ERCC6L2: variants seen among roughly 807,000 people sequenced by gnomAD.
ERCC6L2 encodes the protein DNA excision repair protein ERCC-6-like 2.
In ERCC6L2, 77 loss-of-function variants were observed where a neutral mutation model predicts 132.0. That is an observed-to-expected ratio of 0.58 (90% CI 0.49 to 0.71). ERCC6L2 has a LOEUF of 0.71. Among genes scored for constraint, ERCC6L2 ranks in the 30% least tolerant of loss-of-function variants. The pLI is 0.00. For synonymous variants in ERCC6L2, 583 were observed against 632.4 expected, an observed-to-expected ratio of 0.92 and a Z score of 1.17; for missense variants, 1,542 against 1,837.6, an observed-to-expected ratio of 0.84 and a Z score of 2.94.
At chr9:95,952,514 T>C (rs1388120064) in intron 12 of ERCC6L2, among the ~76,000 whole-genome samples, 1 of 152,174 alleles carries the variant, frequency 6.6e-6, no homozygotes. Flanking sequence ...ATTTCATTGA[T>C]GCAGAAAAAG....
intron 11 of ERCC6L2, among the ~76,000 whole-genome samples, chr9:95,933,235 TTCG>T (rs1289484726): frequency 6.6e-6 from 1 of 152,208 alleles, no homozygotes; most frequent in Non-Finnish European, 1.5e-5. Context: ...AACCTTTAAC[TTCG>T]TTTCTGCTTT....
intron 11 of ERCC6L2, among the ~76,000 whole-genome samples, chr9:95,931,954 T>G (rs1587929100): frequency 6.6e-6 from 1 of 152,092 alleles, no homozygotes; most frequent in Non-Finnish European, 1.5e-5. Context: ...TCATCAGACT[T>G]TCAAACTTTC....
intron 18 of ERCC6L2, among the ~76,000 whole-genome samples, chr9:96,008,258 A>G (rs1275485415): frequency 6.6e-6 from 1 of 152,014 alleles, no homozygotes; most frequent in Non-Finnish European, 1.5e-5. Context: ...CAACTTTAAT[A>G]TCTTCCCTAG....
At chr9:95,963,783 C>T (rs1832025106) in intron 13 of ERCC6L2, among the ~76,000 whole-genome samples, 1 of 152,078 alleles carries the variant, frequency 6.6e-6, no homozygotes, top group Non-Finnish European at 1.5e-5. Context: ...GGATGTCCTT[C>T]AGTCTAGGTC....
chr9:95,879,053 A>G (rs1177787005), intron 1 of ERCC6L2, among the ~76,000 whole-genome samples: 1 of 151,794 alleles, frequency 6.6e-6, no homozygotes, highest in Non-Finnish European at 1.5e-5. Context: ...TGGTATTTCT[A>G]GTTCTAGATC....
chr9:96,029,106 C>T (rs1182399867), intron 19 of ERCC6L2, among the ~76,000 whole-genome samples: 3 of 151,832 alleles, frequency 2.0e-5, no homozygotes, highest in East Asian at 3.9e-4. Context: ...AGATCGAGAC[C>T]ATCCTGGCTA....
At chr9:95,967,462 G>A (rs1179798683) in intron 14 of ERCC6L2, 1 of 152,082 alleles carries the variant, frequency 6.6e-6, no homozygotes, top group African/African-American at 2.4e-5. Flanking sequence ...TATTCAGTAA[G>A]TACCATAAAG....
intron 17 of ERCC6L2, among the ~76,000 whole-genome samples, chr9:95,979,345 G>A (rs1832799418): frequency 6.6e-6 from 1 of 152,096 alleles, no homozygotes; most frequent in Admixed American, 6.6e-5. Flanking sequence ...CAATGGGGAG[G>A]CACTCCCATA....
chr9:95,903,788 A>G (rs1828895307), intron 3 of ERCC6L2, among the ~76,000 whole-genome samples: 1 of 152,036 alleles, frequency 6.6e-6, no homozygotes, highest in South Asian at 2.1e-4. Context: ...AAAATGAAAA[A>G]TAAATTATAC....
chr9:95,966,864 AAG>A, intron 14 of ERCC6L2, 150 bp downstream of exon 14: 1 of 521,976 alleles, frequency 1.9e-6, no homozygotes, highest in Non-Finnish European at 3.1e-6. Context: ...TTTAGAGAAT[AAG>A]AAATGAATTA....
intron 11 of ERCC6L2, among the ~76,000 whole-genome samples, chr9:95,935,718 T>G (rs748027227): frequency 1.3e-5 from 2 of 152,148 alleles, no homozygotes; most frequent in Non-Finnish European, 2.9e-5. Flanking sequence ...TTATCAAGAA[T>G]GACTGGTGTG....
chr9:95,966,266 C>T (rs1387356498), intron 13 of ERCC6L2, among the ~76,000 whole-genome samples: 1 of 152,050 alleles, frequency 6.6e-6, no homozygotes, highest in Admixed American at 6.6e-5. Flanking sequence ...CAAATGTATG[C>T]TTTTATTATT....
At chr9:95,966,145 TATC>T (rs1832143207) in intron 13 of ERCC6L2, among the ~76,000 whole-genome samples, 1 of 152,170 alleles carries the variant, frequency 6.6e-6, no homozygotes, top group South Asian at 2.1e-4. Context: ...CCAAGGTGGT[TATC>T]ATATCATTAC....
At chr9:95,899,581 T>A (rs1050038773) in intron 3 of ERCC6L2, among the ~76,000 whole-genome samples, 1 of 147,996 alleles carries the variant, frequency 6.8e-6, no homozygotes, top group Non-Finnish European at 1.5e-5. Flanking sequence ...TTTCTTTCTT[T>A]TTTTCTCTTT....
intron 1 of ERCC6L2, among the ~76,000 whole-genome samples, chr9:95,879,529 A>C (rs1006257557): frequency 6.6e-6 from 1 of 152,192 alleles, no homozygotes; most frequent in South Asian, 2.1e-4. Flanking sequence ...CCATTGACCT[A>C]TATGTTGTTC....
intron 13 of ERCC6L2, among the ~76,000 whole-genome samples, chr9:95,958,865 A>G (rs575011297): frequency 2.2e-4 from 34 of 152,214 alleles, no homozygotes; most frequent in African/African-American, 8.2e-4. Flanking sequence ...CCACTGCTCA[A>G]TGAAATAAAA....
intron 13 of ERCC6L2, among the ~76,000 whole-genome samples, chr9:95,959,300 A>G (rs1301493709): frequency 6.6e-6 from 1 of 151,792 alleles, no homozygotes; most frequent in Non-Finnish European, 1.5e-5. Flanking sequence ...TATTTAATAA[A>G]TGGTGCTGGG....
chr9:95,976,217 C>A (rs1294754153), intron 16 of ERCC6L2, among the ~76,000 whole-genome samples: 1 of 152,088 alleles, frequency 6.6e-6, no homozygotes, highest in African/African-American at 2.4e-5. Flanking sequence ...GCTCTCTCTC[C>A]CTTGCTTTGC....
In ERCC6L2 at chr9:95,885,931, G is replaced by T. The variant is rs1281782707; in HGVS notation, c.471+4638G>T. Among the ~76,000 whole-genome samples, 3 of 152,116 alleles carry T rather than the reference G, an allele frequency of 2.0e-5. No homozygotes were observed. The East Asian group carries it at 5.8e-4, about 29-fold the overall frequency. Reference sequence around the variant, plus strand: ...TGCTCAGACGGTGTGTTTTTCAGAGGGTTAGAAAACTTTGATTAATCTGGT... The same window carrying T: ...TGCTCAGACGGTGTGTTTTTCAGAGTGTTAGAAAACTTTGATTAATCTGGT... On this transcript the variant is annotated intron_variant, in intron 2 of 18. Transcript: ENST00000653738.
Sources: allele counts gnomAD v4.1 joint callset (sites outside exome capture counted in the v4.1 genomes callset), GRCh38; gene constraint gnomAD v4.1.1; transcripts MANE v1.5; gene names NCBI Gene and HGNC (gene_info 2026-07-23, HGNC 2026-07-21).